FAM110B: variants seen among roughly 807,000 people sequenced by gnomAD.
The protein encoded by FAM110B is family with sequence similarity 110 member B, also known as protein FAM110B.
Under a neutral mutation model 20.4 loss-of-function variants are expected in FAM110B, and 6 were observed. The ratio of observed to expected loss-of-function variants is 0.29; its 90% CI spans 0.16 to 0.58. FAM110B has a LOEUF of 0.58. Among genes scored for constraint, FAM110B ranks in the 20% least tolerant of loss-of-function variants. FAM110B has a pLI of 0.90. For missense variants in FAM110B, 434 were observed against 498.2 expected (o/e 0.87, Z 1.23); for synonymous variants, 226 against 214.1 (o/e 1.06, Z -0.49).
At chr8:58,046,110 A>AT (rs1352800184) in intron 2 of FAM110B, among the ~76,000 whole-genome samples, 1 of 151,912 alleles carries the variant, frequency 6.6e-6, no homozygotes, top group Admixed American at 6.6e-5. Context: ...GATTAGGTGA[A>AT]TTTTTTTTCT....
Position 58,028,244 on chromosome 8 carries a change from C to T in FAM110B, c.-511-3362C>T, listed in dbSNP as rs143090592. On this transcript the variant is annotated intron_variant, in intron 1 of 3. Coordinates refer to ENST00000519262, the MANE Select transcript of FAM110B (RefSeq NM_001377989.1). ...TCAGCCTCCCAAGTAGCTGGGATTA[C>T]AGGCGCCTGCCACCACGCCTGGCTA... 8.5e-5 allele frequency among the ~76,000 whole-genome samples: 13 copies of T among 152,260 alleles called. 1 individual carries two copies. Among genetic ancestry groups the T allele is most frequent in the African/African-American group, 2.9e-4 (12 of 41,546 alleles).
chr8:58,005,096 A>G (rs2150563345), intron 1 of FAM110B, among the ~76,000 whole-genome samples: 1 of 152,278 alleles, frequency 6.6e-6, no homozygotes, highest in Admixed American at 6.5e-5. Flanking sequence ...ATTAAGCAAA[A>G]TCATTTATAG....
At chr8:58,054,639 G>C (rs1287863028) in intron 2 of FAM110B, among the ~76,000 whole-genome samples, 1 of 152,204 alleles carries the variant, frequency 6.6e-6, no homozygotes, top group Non-Finnish European at 1.5e-5. Context: ...GAGCATTTGA[G>C]AGTAGGTGGG....
chr8:58,020,500 T>C (rs1308247639), intron 1 of FAM110B, among the ~76,000 whole-genome samples: 1 of 152,234 alleles, frequency 6.6e-6, no homozygotes, highest in East Asian at 1.9e-4. Flanking sequence ...TTCCTGAACA[T>C]TTAGTTAAGG....
intron 3 of FAM110B, among the ~76,000 whole-genome samples, chr8:58,139,955 C>A (rs1055465951): frequency 6.6e-6 from 1 of 151,748 alleles, no homozygotes; most frequent in Non-Finnish European, 1.5e-5. Context: ...TAATAAATGT[C>A]TAAATAAAAT....
Position 58,146,739 on chromosome 8 carries a change from G to A in FAM110B, c.509G>A (p.Gly170Asp), listed in dbSNP as rs1413759023. The A allele has an allele frequency of 1.2e-6, 2 of 1,611,950 alleles. No individual in the cohort carries two copies. The highest frequency in any genetic ancestry group is 1.3e-5 in the African/African-American group (1 of 74,898). ...TCCCTGAAGGTCTACCCCACGCAGG[G>A]CCGCAGGAGCCCGCAGGAGGGCGGC... ...AESLKVYPTQGRRSPQEGGSH... is the reference protein window; with the variant it reads ...AESLKVYPTQDRRSPQEGGSH... The change falls in exon 4 of 4, where the codon GGC (glycine) becomes GAC (aspartate). Residue 170 changes from glycine (G) to aspartate (D), a missense_variant. Gly to Asp is a moderately conservative substitution (Grantham distance 94, BLOSUM62 -1). Coordinates refer to ENST00000519262, the MANE Select transcript of FAM110B (RefSeq NM_001377989.1).
At chr8:58,114,409 T>C (rs192753047) in intron 3 of FAM110B, among the ~76,000 whole-genome samples, 12 of 152,346 alleles carry the variant, frequency 7.9e-5, no homozygotes, top group African/African-American at 2.9e-4. Context: ...CAGAAATCTA[T>C]ACTGGCTTTC....
rs556030157 is a variant in FAM110B, at chr8:58,013,110, C to T, written c.-512+18304C>T. Among the ~76,000 whole-genome samples the T allele has an allele frequency of 7.2e-5, 11 of 152,292 alleles. No individual in the cohort carries two copies. The South Asian group carries it at 2.3e-3, about 32-fold the overall frequency. On this transcript the variant is annotated intron_variant, in intron 1 of 3. Transcript: ENST00000519262. The stretch of plus-strand genomic sequence containing the variant: ...GCCCCTGATGGGTTTTCTCTAGGAT[C>T]TCCTTCTCCTGAAATGCTGTGTGAT...
chr8:58,072,547 A>G (rs1805926565), intron 2 of FAM110B, among the ~76,000 whole-genome samples: 1 of 152,238 alleles, frequency 6.6e-6, no homozygotes, highest in Non-Finnish European at 1.5e-5. Flanking sequence ...TCACGTCTTA[A>G]CTTTTTAAAA....
At position 58,077,567 on chromosome 8, in the gene FAM110B, G is replaced by A. The variant is rs191330887; in HGVS notation, c.-325+1944G>A. Among the ~76,000 whole-genome samples, 27 of 152,286 alleles carry A rather than the reference G, an allele frequency of 1.8e-4. No individual in the cohort carries two copies. The East Asian group carries it at 5.2e-3, about 29-fold the overall frequency. ...CCAGTTGGATGGACTGGGATGGTTTGCTTTATTTCTGTGAGCCTCAGTTTC... is the reference window on the plus strand; with the variant it reads ...CCAGTTGGATGGACTGGGATGGTTTACTTTATTTCTGTGAGCCTCAGTTTC... On this transcript the variant is annotated intron_variant, in intron 3 of 3. Coordinates refer to ENST00000519262, the MANE Select transcript of FAM110B (RefSeq NM_001377989.1).
chr8:58,047,601 T>TCC (rs1805353516), intron 2 of FAM110B, among the ~76,000 whole-genome samples: 1 of 131,140 alleles, frequency 7.6e-6, no homozygotes, highest in African/African-American at 3.8e-5. Context: ...CCTCTCTCTC[T>TCC]CTCTCTCTCT....
At chr8:58,060,575 T>A (rs370184190) in intron 2 of FAM110B, among the ~76,000 whole-genome samples, 8 of 151,920 alleles carry the variant, frequency 5.3e-5, no homozygotes, top group African/African-American at 1.9e-4. Context: ...CAATGGAGTA[T>A]TTTTTTTGCT....
intron 3 of FAM110B, among the ~76,000 whole-genome samples, chr8:58,086,265 A>G (rs1806332088): frequency 6.6e-6 from 1 of 152,224 alleles, no homozygotes; most frequent in African/African-American, 2.4e-5. Context: ...TTAAGATGCT[A>G]AGTATAATAA....
chr8:58,014,205 G>T (rs1311605607), intron 1 of FAM110B, among the ~76,000 whole-genome samples: 2 of 152,068 alleles, frequency 1.3e-5, no homozygotes. Flanking sequence ...GAGCTTCCTG[G>T]GCCTCCCTCT....
intron 1 of FAM110B, among the ~76,000 whole-genome samples, chr8:58,011,448 A>G (rs972972312): frequency 5.9e-5 from 9 of 152,156 alleles, no homozygotes; most frequent in African/African-American, 9.7e-5. Flanking sequence ...TCTGTTTCCT[A>G]TGGTTCACCT....
Position 58,146,665 on chromosome 8 carries a change from G to T in FAM110B, c.435G>T (p.Pro145=). The T allele has an allele frequency of 1.2e-6, 2 of 1,612,574 alleles. No individual in the cohort carries two copies. Among genetic ancestry groups the T allele is most frequent in the Non-Finnish European group, 8.5e-7 (1 of 1,179,428 alleles). ...SGHKHSSRNW[P]PHRSEATDLH... is the part of the protein sequence containing the mutation. Reference sequence around the variant, plus strand: ...ACAAGCACAGCTCCCGCAACTGGCCGCCCCACCGGTCGGAAGCCACTGACC... The same window carrying T: ...ACAAGCACAGCTCCCGCAACTGGCCTCCCCACCGGTCGGAAGCCACTGACC... The change falls in exon 4 of 4, where the codon CCG becomes CCT. Residue 145 remains proline, a synonymous_variant. Transcript: ENST00000519262.
chr8:58,012,981 C>G (rs755936586), intron 1 of FAM110B, among the ~76,000 whole-genome samples: 2 of 152,140 alleles, frequency 1.3e-5, no homozygotes, highest in Admixed American at 1.3e-4. Flanking sequence ...AGGCTGGTGT[C>G]TCCCTGCTGG....
chr8:58,060,256 C>T lies in FAM110B; in HGVS notation c.-413-15279C>T, dbSNP rs931737283. 7.2e-5 allele frequency among the ~76,000 whole-genome samples: 11 copies of T among 152,172 alleles called. 1 individual carries two copies. The highest frequency in any genetic ancestry group is 5.9e-4 in the Admixed American group (9 of 15,276). ...CATTTCCACAAAATGTGAAACATCA[C>T]TAATGCATGATTCTGACATTGAATT... On this transcript the variant is annotated intron_variant, in intron 2 of 3. Transcript: ENST00000519262.
At chr8:58,083,390 C>A (rs982327072) in intron 3 of FAM110B, among the ~76,000 whole-genome samples, 4 of 152,144 alleles carry the variant, frequency 2.6e-5, no homozygotes, top group African/African-American at 4.8e-5. Context: ...ATAATCAAGG[C>A]GTAATTAGCT....
Sources: allele counts gnomAD v4.1 joint callset (sites outside exome capture counted in the v4.1 genomes callset), GRCh38; gene constraint gnomAD v4.1.1; transcripts MANE v1.5; gene names NCBI Gene and HGNC (gene_info 2026-07-23, HGNC 2026-07-21).